Variants in HECTD2 observed in about 807,000 individuals in gnomAD.
HECTD2 encodes HECT domain E3 ubiquitin protein ligase 2.
Under a neutral mutation model 103.2 loss-of-function variants are expected in HECTD2, and 35 were observed. The observed-to-expected ratio is 0.34, with a 90% confidence interval of 0.26 to 0.45. The LOEUF is 0.45. HECTD2 is among the 20% of genes least tolerant of loss of function. The pLI is 1.00. For synonymous variants in HECTD2, 281 were observed against 329.9 expected, an observed-to-expected ratio of 0.85 and a Z score of 1.61; for missense variants, 596 against 937.4, an observed-to-expected ratio of 0.64 and a Z score of 4.76.
chr10:91,411,599 G>A (rs1741334932), intron 1 of HECTD2, among the ~76,000 whole-genome samples: 1 of 152,204 alleles, frequency 6.6e-6, no homozygotes, highest in Admixed American at 6.5e-5. Context: ...TACTGTATTG[G>A]TGTTAGGAAT....
chr10:91,505,406 C>T (rs987375333), intron 20 of HECTD2, among the ~76,000 whole-genome samples: 1 of 151,738 alleles, frequency 6.6e-6, no homozygotes, highest in African/African-American at 2.4e-5. Flanking sequence ...CACATAGGCT[C>T]AAAATAAAGG....
At chr10:91,423,716 A>G (rs1843445357) in intron 1 of HECTD2, among the ~76,000 whole-genome samples, 1 of 152,120 alleles carries the variant, frequency 6.6e-6, no homozygotes. Context: ...TTCTATGTGT[A>G]TAGTGTCTGA....
At chr10:91,480,380 A>T (rs1846049000) in intron 6 of HECTD2, among the ~76,000 whole-genome samples, 1 of 152,042 alleles carries the variant, frequency 6.6e-6, no homozygotes, top group Admixed American at 6.5e-5. Flanking sequence ...AGAATGACAA[A>T]AGCTTTAATA....
chr10:91,411,309 C>G (rs868379197), intron 1 of HECTD2, among the ~76,000 whole-genome samples: 11 of 152,216 alleles, frequency 7.2e-5, no homozygotes, highest in Admixed American at 5.9e-4. Context: ...CCCCCTCTTT[C>G]CCTATTTTTA....
At chr10:91,409,790 A>G (rs1210507217), upstream of HECTD2, among the ~76,000 whole-genome samples, 1 of 152,150 alleles carries the variant, frequency 6.6e-6, no homozygotes, top group Admixed American at 6.5e-5. Context: ...AAGGATAAGA[A>G]GGCAGAAGCC....
intron 5 of HECTD2, 167 bp downstream of exon 5, chr10:91,462,351 T>C: frequency 9.1e-7 from 1 of 1,101,506 alleles, no homozygotes; most frequent in East Asian, 3.2e-5. Flanking sequence ...TTTATTCTTT[T>C]ATTTTTTAAT....
intron 5 of HECTD2, among the ~76,000 whole-genome samples, chr10:91,468,427 C>T (rs767348192): frequency 7.2e-5 from 11 of 152,134 alleles, no homozygotes; most frequent in Non-Finnish European, 1.6e-4. Context: ...CGAAGGGTAG[C>T]AACTCCAGAA....
upstream of HECTD2, among the ~76,000 whole-genome samples, chr10:91,409,997 C>G (rs1231120751): frequency 6.6e-6 from 1 of 152,182 alleles, no homozygotes; most frequent in African/African-American, 2.4e-5. Context: ...CGACTTGTCT[C>G]CCCGACTGCC....
chr10:91,500,405 ATCATGACTTTTGTGATTTGATCCAGTG>A, intron 18 of HECTD2, 70 bp from the exon 19 acceptor site: 1 of 588,330 alleles, frequency 1.7e-6, no homozygotes, highest in Non-Finnish European at 3.0e-6. Context: ...ACTATGAGAA[ATCATGACTTTTGTGATTTGATCCAGTG>A]AAAATAGTTC....
chr10:91,428,497 TC>T (rs1843678972), intron 2 of HECTD2, among the ~76,000 whole-genome samples: 1 of 152,182 alleles, frequency 6.6e-6, no homozygotes, highest in African/African-American at 2.4e-5. Flanking sequence ...TATTGATTCT[TC>T]CTACCCATGA....
At chr10:91,423,706 T>G (rs1485227026) in intron 1 of HECTD2, among the ~76,000 whole-genome samples, 2 of 152,082 alleles carry the variant, frequency 1.3e-5, no homozygotes, top group African/African-American at 2.4e-5. Flanking sequence ...GACTTCTTAA[T>G]TCTATGTGTA....
chr10:91,498,817 C>A, intron 16 of HECTD2, 55 bp from the exon 17 acceptor site: 2 of 1,077,292 alleles, frequency 1.9e-6, no homozygotes, highest in Non-Finnish European at 2.7e-6. Context: ...ACCTGTTCAC[C>A]AAAGTATGTT....
intron 2 of HECTD2, among the ~76,000 whole-genome samples, chr10:91,436,136 C>T (rs1310059571): frequency 1.3e-5 from 2 of 151,734 alleles, no homozygotes; most frequent in South Asian, 2.1e-4. Flanking sequence ...GATTCTTCCA[C>T]GTTGCTTTTG....
At chr10:91,488,662 A>G (rs1193536510) in intron 11 of HECTD2, 2 of 152,180 alleles carry the variant, frequency 1.3e-5, no homozygotes, top group African/African-American at 2.4e-5. Flanking sequence ...ATACTTCAAA[A>G]TGCTATAAAA....
intron 20 of HECTD2, among the ~76,000 whole-genome samples, chr10:91,510,854 A>G (rs1847394999): frequency 6.6e-6 from 1 of 152,242 alleles, no homozygotes; most frequent in Non-Finnish European, 1.5e-5. Flanking sequence ...TTTTTAAGTC[A>G]GACTGATCTG....
rs1342619896 is a variant in HECTD2, at chr10:91,460,627, TA to T, written c.407+64del. On this transcript the variant is annotated intron_variant, in intron 3 of 20. Transcript: ENST00000298068. ...CTGCATGTCAGCACTTTACATAATT[TA>T]ATATCTTTATTTGAGAAATTAACTT... The T allele has an allele frequency of 5.1e-5, 75 of 1,458,292 alleles. No homozygotes were observed. The East Asian group carries it at 1.7e-3, about 33-fold the overall frequency. 90.3% of individuals were successfully genotyped at this position (1,458,292 alleles called of 1,614,324 possible).
At chr10:91,456,366 GCTCT>G (rs1168041198) in intron 2 of HECTD2, among the ~76,000 whole-genome samples, 1 of 151,942 alleles carries the variant, frequency 6.6e-6, no homozygotes, top group East Asian at 1.9e-4. Context: ...TCATGATTTG[GCTCT>G]CTGTTTGTCT....
chr10:91,509,275 TA>T (rs1197446422), intron 20 of HECTD2, among the ~76,000 whole-genome samples: 2 of 150,680 alleles, frequency 1.3e-5, no homozygotes, highest in Non-Finnish European at 3.0e-5. Flanking sequence ...AAAGTATAAT[TA>T]AAAAAAATAA....
At chr10:91,425,680 A>G (rs1200597314) in intron 2 of HECTD2, among the ~76,000 whole-genome samples, 2 of 150,824 alleles carry the variant, frequency 1.3e-5, no homozygotes, top group Non-Finnish European at 3.0e-5. Flanking sequence ...TATATTTTCT[A>G]TATTTTATAA....
Sources: allele counts gnomAD v4.1 joint callset (sites outside exome capture counted in the v4.1 genomes callset), GRCh38; gene constraint gnomAD v4.1.1; transcripts MANE v1.5; gene names NCBI Gene and HGNC (gene_info 2026-07-23, HGNC 2026-07-21).